Variants in DNHD1 observed in about 807,000 individuals in gnomAD.
DNHD1 encodes dynein heavy chain domain-containing protein 1.
In DNHD1, 383 loss-of-function variants were observed where a neutral mutation model predicts 458.1. The ratio of observed to expected loss-of-function variants is 0.84; its 90% CI spans 0.77 to 0.91. The LOEUF (loss-of-function observed/expected upper bound fraction) is 0.91, where lower values mean the gene tolerates loss of function less well. DNHD1 is among the 40% of genes least tolerant of loss of function. The pLI is 0.00. For missense variants in DNHD1, 5,336 were observed against 5,866.1 expected, an observed-to-expected ratio of 0.91 and a Z score of 2.95; for synonymous variants, 2,203 against 2,376.9, an observed-to-expected ratio of 0.93 and a Z score of 2.13.
intron 24 of DNHD1, among the ~76,000 whole-genome samples, chr11:6,551,713 AG>A (rs1564818142): frequency 3.3e-5 from 5 of 151,928 alleles, no homozygotes; most frequent in East Asian, 3.9e-4. Context: ...GAGGCCAAGG[AG>A]GGCAGATCAC....
In DNHD1 at chr11:6,536,896, T is replaced by G. The variant is rs537319067; in HGVS notation, c.2999-1487T>G. Among the ~76,000 whole-genome samples the G allele has an allele frequency of 1.6e-4, 25 of 152,346 alleles. 1 individual carries two copies. The South Asian group carries it at 4.8e-3, about 29-fold the overall frequency. On this transcript the variant is annotated intron_variant, in intron 14 of 42. Coordinates refer to ENST00000254579, the MANE Select transcript of DNHD1 (RefSeq NM_144666.3). Reference sequence around the variant, plus strand: ...GGGACTCTAGCCATATCTTTGAGTTTAGACAAAGACTGGAAGAGTTTAGAT... The same window carrying G: ...GGGACTCTAGCCATATCTTTGAGTTGAGACAAAGACTGGAAGAGTTTAGAT...
chr11:6,563,313 T>G lies in DNHD1; in HGVS notation c.9670-69T>G, dbSNP rs901879563. Reference sequence around the variant, plus strand: ...GGGGACTCCAAGGAGATGATTCCCCTAAAAACACCTTGAAGGAAGAACAGA... The same window carrying G: ...GGGGACTCCAAGGAGATGATTCCCCGAAAAACACCTTGAAGGAAGAACAGA... On this transcript the variant is annotated intron_variant, in intron 29 of 42. Transcript: ENST00000254579. The G allele has an allele frequency of 7.8e-6, 12 of 1,529,414 alleles. No homozygotes were observed. In the African/African-American group the frequency reaches 1.4e-4, roughly 18 times the overall value. The allele number at this position is 1,529,414 out of a possible 1,614,324, so 94.7% of individuals were successfully genotyped here.
At chr11:6,541,416 G>A (rs146289221) in intron 18 of DNHD1, among the ~76,000 whole-genome samples, 162 of 152,262 alleles carry the variant, frequency 1.1e-3, no homozygotes, top group Non-Finnish European at 1.7e-3. Flanking sequence ...CTTATTCTTA[G>A]TGCGCACACA....
In DNHD1 at chr11:6,571,283, C is replaced by T. The variant is rs367738072; in HGVS notation, c.13771C>T (p.Arg4591Cys). ...CCTGTCAGCCTTTCGCCACCCGCGC[C>T]GCCTGCTGCTGGCATTGCGTGGGGA... ...FHLSAFRHPR[R>C]LLLALRGEAA... The change falls in exon 42 of 43, where the codon CGC becomes TGC. Residue 4591 changes from arginine to cysteine, a missense_variant. Physicochemically the swap from Arg to Cys is radical, Grantham distance 180. Around this residue, in one of 4 missense-constraint regions of DNHD1, gnomAD observed 698 missense variants for 664.9 expected, o/e 1.05. Transcript: ENST00000254579. This position sits in a 1 kb window ranked among gnomAD's most constrained non-coding sequence, Gnocchi z 5.0. 4.3e-6 allele frequency: 7 copies of T among 1,612,300 alleles called. No homozygotes were observed. The highest frequency in any genetic ancestry group is 2.2e-5 in the East Asian group (1 of 44,844).
At chr11:6,531,194 C>CT (rs1223990232) in intron 12 of DNHD1, among the ~76,000 whole-genome samples, 2 of 152,194 alleles carry the variant, frequency 1.3e-5, no homozygotes, top group Non-Finnish European at 2.9e-5. Flanking sequence ...AACCCTCTGA[C>CT]TTAACTCTGT....
At chr11:6,519,477 C>G (rs1852558702) in intron 7 of DNHD1, 123 bp from the exon 8 acceptor site, 1 of 1,064,118 alleles carries the variant, frequency 9.4e-7, no homozygotes, top group East Asian at 2.4e-5. Flanking sequence ...AAAAAGGAGC[C>G]CTCCATATGT....
Position 6,547,355 on chromosome 11 carries a change from T to C in DNHD1, c.6416T>C (p.Val2139Ala). The C allele has an allele frequency of 1.3e-6, 2 of 1,551,754 alleles. No homozygotes were observed. The highest frequency in any genetic ancestry group is 8.7e-7 in the Non-Finnish European group (1 of 1,147,000). Residue 2139 changes from valine (V) to alanine (A), a missense_variant, in exon 21 of 43, where the codon GTA becomes GCA. By Grantham distance (64) the Val-to-Ala change is moderately conservative (BLOSUM62 0). This residue lies in a region of DNHD1 where 3,932 missense variants were observed against 4,365.6 expected (regional missense o/e 0.90). Coordinates refer to ENST00000254579, the MANE Select transcript of DNHD1 (RefSeq NM_144666.3). ...ADTTGISPTV[V>A]GCCALVWCGG... ...ACAACAGGCATATCCCCCACAGTGG[T>C]AGGCTGTTGTGCCCTAGTCTGGTGT... is the stretch of plus-strand genomic sequence containing the variant.
chr11:6,518,562 C>T (rs1852540052), intron 7 of DNHD1, among the ~76,000 whole-genome samples: 1 of 152,098 alleles, frequency 6.6e-6, no homozygotes, highest in Non-Finnish European at 1.5e-5. Flanking sequence ...TACCCCATGC[C>T]AGGCACTGTG....
At chr11:6,527,818 G>A (rs74933238) in intron 10 of DNHD1, among the ~76,000 whole-genome samples, 2,042 of 152,256 alleles carry the variant, frequency 0.013, 31 homozygotes, top group East Asian at 0.064. Context: ...TATTTTGTGC[G>A]AAGTTTTAAC....
Position 6,512,211 on chromosome 11 carries a change from C to CTTTTTTTTTTTTTTTTTTTTTT in DNHD1, c.1392+788_1392+809dup, listed in dbSNP as rs11287049. ...CAAGGAATTTCTTTTCTTTTTCTTT[C>CTTTTTTTTTTTTTTTTTTTTTT]TTTTTTTTTTTTTTTTTTTTTTTTT... On this transcript the variant is annotated intron_variant, in intron 7 of 42. Coordinates refer to ENST00000254579, the MANE Select transcript of DNHD1 (RefSeq NM_144666.3). Among the ~76,000 whole-genome samples, 5 of 91,630 alleles carry CTTTTTTTTTTTTTTTTTTTTTT rather than the reference C, an allele frequency of 5.5e-5. 2 individuals carry two copies. The highest frequency in any genetic ancestry group is 2.3e-4 in the African/African-American group (5 of 21,324). The allele number at this position is 91,630 out of a possible 152,430, so 60.1% of individuals were successfully genotyped here.
chr11:6,567,358 C>A lies in DNHD1; in HGVS notation c.11849C>A (p.Ser3950Ter), dbSNP rs1185206278. Residue 3950 changes from serine (S) to a stop codon, truncating the protein, a stop_gained, in exon 36 of 43, where the codon TCA becomes TAA. Coordinates refer to ENST00000254579, the MANE Select transcript of DNHD1 (RefSeq NM_144666.3). LOFTEE classifies it high-confidence loss of function. ...LALLQATGKA[S>*]ELERLALWPG... ...CTGCTGCAAGCAACAGGGAAAGCAT[C>A]AGAGCTGGAAAGACTGGCACTCTGG... The A allele has an allele frequency of 1.2e-6, 2 of 1,614,054 alleles. No homozygotes were observed. The highest frequency in any genetic ancestry group is 1.1e-5 in the South Asian group (1 of 91,088).
intron 24 of DNHD1, among the ~76,000 whole-genome samples, chr11:6,555,626 A>C (rs1853445496): frequency 6.6e-6 from 1 of 152,254 alleles, no homozygotes. Flanking sequence ...AATGGAACAA[A>C]CTAAGGAAAC....
rs1433048747 is a variant in DNHD1, at chr11:6,548,494, C to T, written c.7098+92C>T. On this transcript the variant is annotated intron_variant, in intron 23 of 42. Transcript: ENST00000254579. The surrounding 1 kb of genome is among the most constrained non-coding windows in gnomAD (Gnocchi z 4.4). ...TCAAAGATCAGCTGAGGCCCACTTG[C>T]TCCCTTTCTTTGATATATTTTCACA... The T allele has an allele frequency of 2.1e-5, 30 of 1,463,076 alleles. No homozygotes were observed. Among genetic ancestry groups the T allele is most frequent in the African/African-American group, 5.7e-5 (4 of 70,180 alleles). The allele number at this position is 1,463,076 out of a possible 1,614,324, so 90.6% of individuals were successfully genotyped here.
In DNHD1 at chr11:6,538,720, A is replaced by C. The variant is rs1332570966; in HGVS notation, c.3235A>C (p.Ile1079Leu). Reference sequence around the variant, plus strand: ...CCCCGTGCTGCAGCACTGCATGCGCATCCTGGGGGAGTTTCGCAGCTACCT... The same window carrying C: ...CCCCGTGCTGCAGCACTGCATGCGCCTCCTGGGGGAGTTTCGCAGCTACCT... Reference protein sequence around the residue: ...HSPVLQHCMRILGEFRSYLPL... With the variant: ...HSPVLQHCMRLLGEFRSYLPL... Residue 1079 changes from isoleucine to leucine, a missense_variant, in exon 16 of 43, where the codon ATC becomes CTC. Around this residue, in one of 4 missense-constraint regions of DNHD1, gnomAD observed 3,932 missense variants for 4,365.6 expected, o/e 0.90. Coordinates refer to ENST00000254579, the MANE Select transcript of DNHD1 (RefSeq NM_144666.3). 14 of 1,549,672 alleles carry C rather than the reference A, an allele frequency of 9.0e-6. No individual in the cohort carries two copies. Among genetic ancestry groups the C allele is most frequent in the Non-Finnish European group, 1.2e-5 (14 of 1,145,806 alleles).
Position 6,571,363 on chromosome 11 carries a change from G to A in DNHD1, c.13851G>A (p.Ser4617=). 1 of 1,612,176 alleles carries A rather than the reference G, an allele frequency of 6.2e-7. No individual in the cohort carries two copies. The highest frequency in any genetic ancestry group is 8.5e-7 in the Non-Finnish European group (1 of 1,179,296). The change falls in exon 42 of 43, where the codon TCG becomes TCA. Residue 4617 remains serine, a synonymous_variant. Transcript: ENST00000254579. The surrounding 1 kb of genome is among the most constrained non-coding windows in gnomAD (Gnocchi z 5.0). ...PSSNFPGSRG[S]VSSQLQYKRL... ...CGAATTTCCCTGGTAGCCGAGGCTC[G>A]GTCTCCAGTCAGCTCCAGTATAAAC...
intron 7 of DNHD1, among the ~76,000 whole-genome samples, chr11:6,513,235 T>C (rs564116611): frequency 1.3e-5 from 2 of 152,352 alleles, no homozygotes; most frequent in African/African-American, 4.8e-5. Flanking sequence ...GTATAATTCA[T>C]ATACAGTAGA....
Position 6,545,792 on chromosome 11 carries a change from GC to G in DNHD1, c.4858del (p.Leu1620TyrfsTer21), listed in dbSNP as rs1853200475. ...GGTTCACCTCACATAATCCCCAAAA[GC>G]CCCCTACAGAGTCTTAAGACTATTG... ...HLGSPHIIPKSPLQSLKTIAS... is the reference protein window; with the variant it reads ...HLGSPHIIPKXPLQSLKTIAS... On this transcript the variant is annotated frameshift_variant, in exon 21 of 43. Transcript: ENST00000254579. The surrounding 1 kb of genome is among the most constrained non-coding windows in gnomAD (Gnocchi z 4.9). The G allele has an allele frequency of 1.5e-5, 24 of 1,551,808 alleles. No homozygotes were observed. Among genetic ancestry groups the G allele is most frequent in the Non-Finnish European group, 2.0e-5 (23 of 1,147,010 alleles).
chr11:6,529,548 C>G (rs1326476138), intron 12 of DNHD1, among the ~76,000 whole-genome samples: 3 of 152,308 alleles, frequency 2.0e-5, no homozygotes, highest in African/African-American at 7.2e-5. Context: ...GTAACCTTTC[C>G]AATTAAAGAA....
chr11:6,507,092 T>C (rs1852243539), intron 4 of DNHD1, among the ~76,000 whole-genome samples: 1 of 152,216 alleles, frequency 6.6e-6, no homozygotes, highest in Non-Finnish European at 1.5e-5. Context: ...ATCTACTCTC[T>C]AGTATCATGT....
Sources: allele counts gnomAD v4.1 joint callset (sites outside exome capture counted in the v4.1 genomes callset), GRCh38; gene constraint gnomAD v4.1.1; regional missense constraint gnomAD v4.1.1; non-coding constraint Gnocchi (gnomAD v3.1); transcripts MANE v1.5; gene names NCBI Gene and HGNC (gene_info 2026-07-23, HGNC 2026-07-21).